The following PRORP variants were observed in gnomAD, a reference collection of about 807,000 sequenced individuals.
PRORP encodes protein only RNase P catalytic subunit, also known as mitochondrial ribonuclease P catalytic subunit.
Under a neutral mutation model 59.4 loss-of-function variants are expected in PRORP, and 51 were observed. The ratio of observed to expected loss-of-function variants is 0.86; its 90% CI spans 0.69 to 1.08. The LOEUF (loss-of-function observed/expected upper bound fraction) is 1.08. Among genes scored for constraint, PRORP ranks in the 50% least tolerant of loss-of-function variants. PRORP has a pLI of 0.00. For synonymous variants in PRORP, 231 were observed against 245.6 expected (o/e 0.94, Z 0.55); for missense variants, 646 against 690.3 (o/e 0.94, Z 0.72).
intron 5 of PRORP, among the ~76,000 whole-genome samples, chr14:35,219,723 A>G (rs911087380): frequency 6.6e-6 from 1 of 151,092 alleles, no homozygotes; most frequent in African/African-American, 2.4e-5. Context: ...AAATTCTTGT[A>G]TGCCTACTTA....
chr14:35,241,060 G>A (rs1280652719), intron 5 of PRORP, among the ~76,000 whole-genome samples: 1 of 152,030 alleles, frequency 6.6e-6, no homozygotes, highest in African/African-American at 2.4e-5. Flanking sequence ...ACTATTATAA[G>A]TAATCTAGAG....
chr14:35,145,872 A>G (rs2047597750), intron 4 of PRORP, among the ~76,000 whole-genome samples: 1 of 145,538 alleles, frequency 6.9e-6, no homozygotes, highest in African/African-American at 2.6e-5. Flanking sequence ...CTTGTTGCCC[A>G]GGCTAGAGTG....
chr14:35,228,758 C>G (rs1595348284), intron 5 of PRORP, among the ~76,000 whole-genome samples: 1 of 152,070 alleles, frequency 6.6e-6, no homozygotes, highest in African/African-American at 2.4e-5. Context: ...AATAATGTTG[C>G]GATGAACATA....
rs1398445129 is a variant in PRORP at position 35,276,617 on chromosome 14, T to C, written c.*3051T>C. ...ACCAGACACTTAGGCTGCCCATTTG[T>C]GTTCTGATCATTTGAGTGAAAAAAA... On this transcript the variant is annotated 3_prime_UTR_variant, in exon 8 of 8. Transcript: ENST00000534898. The C allele has an allele frequency of 6.6e-6, 1 of 151,898 alleles. No homozygotes were observed. The highest frequency in any genetic ancestry group is 1.5e-5 in the Non-Finnish European group (1 of 68,018). 9.4% of individuals were successfully genotyped at this position (151,898 alleles called of 1,614,324 possible).
At chr14:35,270,109 C>CT (rs1307850635) in intron 6 of PRORP, among the ~76,000 whole-genome samples, 1 of 152,194 alleles carries the variant, frequency 6.6e-6, no homozygotes, top group Non-Finnish European at 1.5e-5. Flanking sequence ...AGAGAAGCAA[C>CT]TTTTAAGTGT....
At chr14:35,232,553 T>C (rs919046682) in intron 5 of PRORP, among the ~76,000 whole-genome samples, 11 of 152,090 alleles carry the variant, frequency 7.2e-5, no homozygotes, top group African/African-American at 2.7e-4. Context: ...AAAACCTCCA[T>C]CTCTGCTAAC....
chr14:35,176,650 A>G (rs775178573), intron 4 of PRORP, among the ~76,000 whole-genome samples: 46 of 152,328 alleles, frequency 3.0e-4, no homozygotes, highest in Non-Finnish European at 4.9e-4. Context: ...GGCTGAGACA[A>G]TGGGGTTTTC....
rs74713805 is a variant in PRORP at position 35,171,261 on chromosome 14, A to G, written c.1168-9409A>G. On this transcript the variant is annotated intron_variant, in intron 4 of 7. Coordinates refer to ENST00000534898, the MANE Select transcript of PRORP (RefSeq NM_014672.4). ...CTCTCAAAATGCTGGGATTACAGGCATGAGCCATGGCACTGGCCAGCTTTA... is the reference window on the plus strand; with the variant it reads ...CTCTCAAAATGCTGGGATTACAGGCGTGAGCCATGGCACTGGCCAGCTTTA... Among the ~76,000 whole-genome samples, 6 of 152,312 alleles carry G rather than the reference A, an allele frequency of 3.9e-5. No individual in the cohort carries two copies. The East Asian group carries it at 9.6e-4, about 24-fold the overall frequency.
intron 4 of PRORP, among the ~76,000 whole-genome samples, chr14:35,168,454 T>TTAATTG (rs1159109738): frequency 3.9e-5 from 6 of 152,210 alleles, no homozygotes; most frequent in Non-Finnish European, 5.9e-5. Context: ...TAGTTGATAC[T>TTAATTG]CAGGTTTTGT....
At chr14:35,242,717 T>C (rs186787928) in intron 5 of PRORP, among the ~76,000 whole-genome samples, 5 of 152,214 alleles carry the variant, frequency 3.3e-5, no homozygotes, top group Admixed American at 6.5e-5. Context: ...AAGTTTTAAA[T>C]AGTCAGATTA....
At chr14:35,168,430 G>A (rs572613488) in intron 4 of PRORP, among the ~76,000 whole-genome samples, 1 of 152,226 alleles carries the variant, frequency 6.6e-6, no homozygotes, top group African/African-American at 2.4e-5. Context: ...GATATAATAA[G>A]ATTATTTAAT....
chr14:35,178,795 G>C (rs1453421718), intron 4 of PRORP, among the ~76,000 whole-genome samples: 2 of 152,152 alleles, frequency 1.3e-5, no homozygotes, highest in Non-Finnish European at 2.9e-5. Flanking sequence ...GATGTTAGCT[G>C]GTTATTTTGC....
At chr14:35,192,676 A>G (rs977423353) in intron 5 of PRORP, among the ~76,000 whole-genome samples, 7 of 152,140 alleles carry the variant, frequency 4.6e-5, no homozygotes, top group African/African-American at 1.7e-4. Flanking sequence ...AACATAGTAT[A>G]ATAACTTTCC....
intron 5 of PRORP, among the ~76,000 whole-genome samples, chr14:35,234,756 G>A (rs777367254): frequency 3.2e-4 from 47 of 145,330 alleles, no homozygotes; most frequent in Non-Finnish European, 5.4e-4. Context: ...ATAGCTTACT[G>A]TAGCCTCTGA....
rs74043844 is a variant in PRORP, at chr14:35,159,529, A to G, written c.1168-21141A>G. ...TTTTTTTAGTGTTGTTTAGTTTTTC[A>G]TATCAGTATCTATTGTTATTTCAAC... On this transcript the variant is annotated intron_variant, in intron 4 of 7. Transcript: ENST00000534898. 8.7e-4 allele frequency among the ~76,000 whole-genome samples: 132 copies of G among 152,166 alleles called. 1 individual carries two copies. The highest frequency in any genetic ancestry group is 3.1e-3 in the African/African-American group (129 of 41,508).
intron 4 of PRORP, among the ~76,000 whole-genome samples, chr14:35,148,527 A>G (rs1292499934): frequency 1.3e-5 from 2 of 152,232 alleles, no homozygotes; most frequent in Non-Finnish European, 1.5e-5. Flanking sequence ...GAGCATAGGC[A>G]GAGGAGATTC....
chr14:35,270,259 T>TG (rs2051150727), intron 6 of PRORP, 142 bp from the exon 7 acceptor site: 1 of 692,522 alleles, frequency 1.4e-6, no homozygotes, highest in Non-Finnish European at 2.4e-6. Context: ...GACTTTGAGG[T>TG]GGTTCTTAAG....
chr14:35,236,086 A>G (rs1444028297), intron 5 of PRORP, among the ~76,000 whole-genome samples: 2 of 111,868 alleles, frequency 1.8e-5, no homozygotes, highest in African/African-American at 6.9e-5. Flanking sequence ...ACACAGCAAG[A>G]CCCCATCTCC....
chr14:35,153,745 C>T (rs1246462301), intron 4 of PRORP, among the ~76,000 whole-genome samples: 1 of 152,150 alleles, frequency 6.6e-6, no homozygotes, highest in African/African-American at 2.4e-5. Flanking sequence ...TTTAAAGGAA[C>T]ATGCCTCAGT....
Sources: gnomAD v4.1 joint callset for allele counts (sites outside exome capture counted in the v4.1 genomes callset) on GRCh38, gnomAD v4.1.1 for gene constraint, MANE v1.5 for transcripts, NCBI Gene and HGNC (gene_info 2026-07-23, HGNC 2026-07-21) for gene names.